Variants in CPNE4 observed in about 807,000 individuals in gnomAD.
The protein encoded by CPNE4 is copine 4.
In CPNE4, 25 loss-of-function variants were observed where a neutral mutation model predicts 67.9. The ratio of observed to expected loss-of-function variants is 0.37; its 90% CI spans 0.27 to 0.51. The LOEUF (loss-of-function observed/expected upper bound fraction) is 0.51, where lower values mean the gene tolerates loss of function less well. Among genes scored for constraint, CPNE4 ranks in the 20% least tolerant of loss-of-function variants. The probability of loss-of-function intolerance (pLI) is 0.93; values close to 1 mark genes in which losing one functional copy is unlikely to be tolerated. For synonymous variants in CPNE4, 242 were observed against 244.9 expected, an observed-to-expected ratio of 0.99 and a Z score of 0.11; for missense variants, 464 against 690.8, an observed-to-expected ratio of 0.67 and a Z score of 3.68.
intron 1 of CPNE4, among the ~76,000 whole-genome samples, chr3:131,958,647 CAG>C (rs1340135139): frequency 1.3e-5 from 1 of 77,582 alleles, no homozygotes. Context: ...TTTTTTGAGA[CAG>C]AGTCTTGCAC....
chr3:131,897,341 T>C (rs2088377732), intron 2 of CPNE4, among the ~76,000 whole-genome samples: 1 of 152,080 alleles, frequency 6.6e-6, no homozygotes, highest in Non-Finnish European at 1.5e-5. Context: ...ACAGTCCCTA[T>C]CTTATAATAC....
Position 131,587,489 on chromosome 3 carries a change from T to C in CPNE4, c.775A>G (p.Lys259Glu), listed in dbSNP as rs188254177. Reference sequence around the variant, plus strand: ...AAAAGTGGTTGACCATGTACCTGTTTCCCTTCCATTGCTCCTCTCATCTCC... The same window carrying C: ...AAAAGTGGTTGACCATGTACCTGTTCCCCTTCCATTGCTCCTCTCATCTCC... ...FKEMRGAMEG[K>E]QVQWECINPK... Residue 259 changes from lysine (K) to glutamate (E), a missense_variant, in exon 8 of 16, where the codon AAA (lysine) becomes GAA (glutamate). Physicochemically the swap from Lys to Glu is moderately conservative, Grantham distance 56. Around this residue, in one of 6 missense-constraint regions of CPNE4, gnomAD observed 26 missense variants for 24.0 expected, o/e 1.08. Coordinates refer to ENST00000429747, the MANE Select transcript of CPNE4 (RefSeq NM_130808.3). 3.1e-6 allele frequency: 5 copies of C among 1,613,272 alleles called. No individual in the cohort carries two copies. The East Asian group carries it at 8.9e-5, about 29-fold the overall frequency.
intron 5 of CPNE4, among the ~76,000 whole-genome samples, chr3:131,690,075 T>C (rs996108690): frequency 6.6e-6 from 1 of 152,172 alleles, no homozygotes; most frequent in African/African-American, 2.4e-5. Flanking sequence ...TCCATGCTCA[T>C]GGATCGGAAG....
At chr3:131,769,194 G>A (rs1191703163) in intron 2 of CPNE4, among the ~76,000 whole-genome samples, 1 of 152,110 alleles carries the variant, frequency 6.6e-6, no homozygotes, top group Non-Finnish European at 1.5e-5. Flanking sequence ...TCATCAGAGG[G>A]CAAGCTCAGG....
chr3:131,872,220 AAAG>A (rs770879977), intron 2 of CPNE4, among the ~76,000 whole-genome samples: 1 of 152,032 alleles, frequency 6.6e-6, no homozygotes, highest in African/African-American at 2.4e-5. Flanking sequence ...AAACAGAGAG[AAAG>A]AAGGAGAGAG....
At chr3:131,736,984 A>G (rs2082249789) in intron 2 of CPNE4, among the ~76,000 whole-genome samples, 1 of 152,104 alleles carries the variant, frequency 6.6e-6, no homozygotes, top group Admixed American at 6.5e-5. Flanking sequence ...TTACCCTAAG[A>G]CTGTCACAAG....
chr3:131,708,993 T>TATATATATATATATATATATAC (rs1440194300), intron 3 of CPNE4, among the ~76,000 whole-genome samples: 5 of 104,960 alleles, frequency 4.8e-5, no homozygotes, highest in Non-Finnish European at 8.1e-5. Flanking sequence ...TATATATATA[T>TATATATATATATATATATATAC]ATACATACAC....
At chr3:131,800,838 C>A (rs1169626287) in intron 2 of CPNE4, among the ~76,000 whole-genome samples, 1 of 152,158 alleles carries the variant, frequency 6.6e-6, no homozygotes, top group African/African-American at 2.4e-5. Flanking sequence ...ACATGCCTAA[C>A]AGGCAACTTC....
intron 2 of CPNE4, among the ~76,000 whole-genome samples, chr3:131,728,629 G>A (rs1457189138): frequency 6.6e-6 from 1 of 152,130 alleles, no homozygotes; most frequent in African/African-American, 2.4e-5. Flanking sequence ...TGGATTGTGT[G>A]GCCGGGCGCA....
intron 1 of CPNE4, among the ~76,000 whole-genome samples, chr3:131,971,452 C>T (rs1337825042): frequency 4.6e-5 from 7 of 152,286 alleles, no homozygotes; most frequent in South Asian, 2.1e-4. Flanking sequence ...ATCTCTTCAA[C>T]GCTTCTCTGA....
intron 7 of CPNE4, among the ~76,000 whole-genome samples, chr3:131,592,515 T>C (rs1938595416): frequency 6.6e-6 from 1 of 152,158 alleles, no homozygotes; most frequent in African/African-American, 2.4e-5. Flanking sequence ...AGGTGCAATT[T>C]ACAGGCTTGG....
At chr3:131,646,855 T>A (rs1298440310) in intron 7 of CPNE4, among the ~76,000 whole-genome samples, 1 of 152,222 alleles carries the variant, frequency 6.6e-6, no homozygotes, top group Non-Finnish European at 1.5e-5. Flanking sequence ...TGAGTACAGT[T>A]AGGTACCATC....
intron 6 of CPNE4, among the ~76,000 whole-genome samples, chr3:131,674,918 C>T (rs555901205): frequency 1.3e-5 from 2 of 151,842 alleles, no homozygotes; most frequent in Admixed American, 6.6e-5. Flanking sequence ...TTATTTGAAA[C>T]TTATCTACTT....
At chr3:131,890,625 T>C (rs2088077565) in intron 2 of CPNE4, among the ~76,000 whole-genome samples, 1 of 152,124 alleles carries the variant, frequency 6.6e-6, no homozygotes, top group Admixed American at 6.6e-5. Context: ...AATCAGGCTC[T>C]TGAAGAAATA....
At chr3:131,617,025 A>G (rs1048790039) in intron 7 of CPNE4, among the ~76,000 whole-genome samples, 5 of 152,212 alleles carry the variant, frequency 3.3e-5, no homozygotes, top group African/African-American at 1.2e-4. Flanking sequence ...TGTCACTTGT[A>G]TGATGTAGAT....
chr3:131,952,436 T>C (rs901638800), intron 1 of CPNE4, among the ~76,000 whole-genome samples: 7 of 138,680 alleles, frequency 5.0e-5, no homozygotes, highest in Middle Eastern at 4.6e-3. Flanking sequence ...GTGAGGAGCG[T>C]CTCCGCCCAG....
At chr3:131,792,497 A>G (rs139987319) in intron 2 of CPNE4, among the ~76,000 whole-genome samples, 18 of 150,892 alleles carry the variant, frequency 1.2e-4, no homozygotes, top group African/African-American at 3.9e-4. Context: ...TCAAATGTTT[A>G]TACATATACC....
intron 1 of CPNE4, among the ~76,000 whole-genome samples, chr3:131,952,500 C>T (rs538817340): frequency 1.3e-3 from 126 of 98,946 alleles, no homozygotes; most frequent in Non-Finnish European, 2.6e-3. Flanking sequence ...CCAGGCCAGC[C>T]GCCCCATCCG....
chr3:131,774,550 T>A (rs2107839892), intron 2 of CPNE4, among the ~76,000 whole-genome samples: 1 of 152,190 alleles, frequency 6.6e-6, no homozygotes. Context: ...TTACTTGCAA[T>A]CAAAAGCATT....
Sources: allele counts gnomAD v4.1 joint callset (sites outside exome capture counted in the v4.1 genomes callset), GRCh38; gene constraint gnomAD v4.1.1; regional missense constraint gnomAD v4.1.1; transcripts MANE v1.5; gene names NCBI Gene and HGNC (gene_info 2026-07-23, HGNC 2026-07-21).